Variants in TAF4B observed in about 807,000 individuals in gnomAD.
TAF4B encodes TATA-box binding protein associated factor 4b.
In TAF4B, 38 loss-of-function variants were observed where a neutral mutation model predicts 86.4. The ratio of observed to expected loss-of-function variants is 0.44; its 90% CI spans 0.34 to 0.58. The LOEUF is 0.58. Ranked by LOEUF, TAF4B falls within the 20% of genes least tolerant of loss-of-function variation. The pLI is 0.02. For missense variants in TAF4B, 988 were observed against 1,027.6 expected (o/e 0.96, Z 0.53); for synonymous variants, 388 against 391.2 (o/e 0.99, Z 0.10).
intron 9 of TAF4B, among the ~76,000 whole-genome samples, chr18:26,313,097 CTTTG>C (rs1178109421): frequency 6.6e-6 from 1 of 152,148 alleles, no homozygotes; most frequent in Non-Finnish European, 1.5e-5. Context: ...GGTGCAGTCT[CTTTG>C]TTCCATGTCA....
chr18:26,253,039 C>T (rs1219111435), intron 1 of TAF4B, among the ~76,000 whole-genome samples: 1 of 151,988 alleles, frequency 6.6e-6, no homozygotes. Flanking sequence ...GATTTGGATG[C>T]CTTTTATTTC....
chr18:26,293,010 T>G (rs1243695711), intron 8 of TAF4B, among the ~76,000 whole-genome samples: 2 of 152,232 alleles, frequency 1.3e-5, no homozygotes, highest in Non-Finnish European at 1.5e-5. Context: ...TCTTTCTCTA[T>G]GTACACACTT....
At chr18:26,288,519 C>T (rs2056554541) in intron 7 of TAF4B, among the ~76,000 whole-genome samples, 1 of 152,128 alleles carries the variant, frequency 6.6e-6, no homozygotes, top group Admixed American at 6.6e-5. Context: ...CCTGTAATCC[C>T]AGCTACTTGG....
chr18:26,289,058 A>G (rs1302239584), intron 7 of TAF4B, among the ~76,000 whole-genome samples: 1 of 152,222 alleles, frequency 6.6e-6, no homozygotes, highest in Admixed American at 6.5e-5. Flanking sequence ...ATTGTAATTT[A>G]TTTCACAACA....
Position 26,255,106 on chromosome 18 carries a change from A to G in TAF4B, c.344-10064A>G, listed in dbSNP as rs892779337. On this transcript the variant is annotated intron_variant, in intron 1 of 14. Coordinates refer to ENST00000269142, the MANE Select transcript of TAF4B (RefSeq NM_005640.3). Reference sequence around the variant, plus strand: ...CTGCTTCTCAATACAGAAAGACTGAAAACTACATACAGTTTATCATACAAC... The same window carrying G: ...CTGCTTCTCAATACAGAAAGACTGAGAACTACATACAGTTTATCATACAAC... Among the ~76,000 whole-genome samples the G allele has an allele frequency of 2.6e-5, 4 of 152,210 alleles. No individual in the cohort carries two copies. The South Asian group carries it at 6.2e-4, about 24-fold the overall frequency.
At chr18:26,302,179 C>T (rs2056741030) in intron 9 of TAF4B, among the ~76,000 whole-genome samples, 1 of 151,980 alleles carries the variant, frequency 6.6e-6, no homozygotes, top group African/African-American at 2.4e-5. Context: ...CACATATCTA[C>T]TAGAGTTAGT....
intron 14 of TAF4B, chr18:26,366,369 C>T (rs568512745): frequency 6.6e-6 from 1 of 152,298 alleles, no homozygotes; most frequent in South Asian, 2.1e-4. Context: ...TTTTCTGTAT[C>T]ATTCCAGTTT....
intron 13 of TAF4B, among the ~76,000 whole-genome samples, chr18:26,341,299 A>G (rs2057133177): frequency 6.6e-6 from 1 of 152,150 alleles, no homozygotes. Flanking sequence ...GTAGTTTATA[A>G]ACACTAACTG....
chr18:26,326,885 C>G, intron 11 of TAF4B, 130 bp from the exon 12 acceptor site: 1 of 1,068,740 alleles, frequency 9.4e-7, no homozygotes, highest in Non-Finnish European at 1.3e-6. Flanking sequence ...GAAACAAAAT[C>G]ATTACCTTCT....
At chr18:26,287,493 G>C (rs1318020038) in intron 7 of TAF4B, among the ~76,000 whole-genome samples, 1 of 152,176 alleles carries the variant, frequency 6.6e-6, no homozygotes, top group Non-Finnish European at 1.5e-5. Context: ...TTAGTGTTTA[G>C]AATGTTCTTC....
intron 7 of TAF4B, among the ~76,000 whole-genome samples, chr18:26,289,839 C>T (rs1245277206): frequency 6.6e-6 from 1 of 152,118 alleles, no homozygotes; most frequent in Non-Finnish European, 1.5e-5. Context: ...GAGTGTACCT[C>T]CCATATTTTT....
At chr18:26,377,734 A>G (rs2057452318) in intron 14 of TAF4B, among the ~76,000 whole-genome samples, 1 of 152,166 alleles carries the variant, frequency 6.6e-6, no homozygotes, top group South Asian at 2.1e-4. Flanking sequence ...TGTTCATGAC[A>G]GTTCATCTTC....
At chr18:26,315,161 T>TCTCTCCCTCACACACA (rs1282068871) in intron 9 of TAF4B, 68 bp from the exon 10 acceptor site, 1 of 210,592 alleles carries the variant, frequency 4.7e-6, no homozygotes, top group Non-Finnish European at 7.2e-6. Context: ...TCTCTCTCTC[T>TCTCTCCCTCACACACA]CACACACACA....
chr18:26,310,258 T>TTA (rs1873163429), intron 9 of TAF4B, among the ~76,000 whole-genome samples: 1 of 152,218 alleles, frequency 6.6e-6, no homozygotes, highest in South Asian at 2.1e-4. Context: ...AGTGTGCCTG[T>TTA]TAGAAAACTC....
At chr18:26,297,982 A>G (rs771009530) in intron 9 of TAF4B, among the ~76,000 whole-genome samples, 3 of 151,748 alleles carry the variant, frequency 2.0e-5, no homozygotes, top group East Asian at 1.9e-4. Context: ...ATTCTGTTCT[A>G]GTTGCTCTGC....
Position 26,346,833 on chromosome 18 carries a change from ATATGTGTGTGTGTATATATATATATGTG to A in TAF4B, c.2317-10853_2317-10826del, listed in dbSNP as rs1567913951. Among the ~76,000 whole-genome samples the A allele has an allele frequency of 3.5e-3, 63 of 17,786 alleles. 3 individuals carry two copies. The highest frequency in any genetic ancestry group is 7.5e-3 in the Non-Finnish European group (44 of 5,874). The allele number at this position is 17,786 out of a possible 152,430, so 11.7% of individuals were successfully genotyped here. On this transcript the variant is annotated intron_variant, in intron 13 of 14. Coordinates refer to ENST00000269142, the MANE Select transcript of TAF4B (RefSeq NM_005640.3). Reference sequence around the variant, plus strand: ...TATATATATGTGTGTGTATATATATATATGTGTGTGTGTATATATATATATGTGTATATATATATATGTGTATATATAT... The same window carrying A: ...TATATATATGTGTGTGTATATATATATATATATATATATGTGTATATATAT...
At chr18:26,331,835 C>T (rs2057052770) in intron 12 of TAF4B, among the ~76,000 whole-genome samples, 1 of 152,234 alleles carries the variant, frequency 6.6e-6, no homozygotes. Flanking sequence ...ATTTCTCCTA[C>T]TGTGGTCAGA....
chr18:26,368,288 G>A (rs2057384360), intron 14 of TAF4B, among the ~76,000 whole-genome samples: 1 of 152,128 alleles, frequency 6.6e-6, no homozygotes, highest in Admixed American at 6.5e-5. Context: ...TGAGGATAGG[G>A]TTAGATTATA....
chr18:26,381,435 C>T (rs1435755221), intron 14 of TAF4B, among the ~76,000 whole-genome samples: 1 of 151,680 alleles, frequency 6.6e-6, no homozygotes, highest in Non-Finnish European at 1.5e-5. Flanking sequence ...CTTTTAAAAC[C>T]AAGTAATTTG....
Sources: allele counts gnomAD v4.1 joint callset (sites outside exome capture counted in the v4.1 genomes callset), GRCh38; gene constraint gnomAD v4.1.1; transcripts MANE v1.5; gene names NCBI Gene and HGNC (gene_info 2026-07-23, HGNC 2026-07-21).